ENAH: variants seen among roughly 807,000 people sequenced by gnomAD.
ENAH encodes the protein protein enabled homolog.
ENAH carries 23 observed loss-of-function variants against 78.7 expected under a neutral mutation model. That is an observed-to-expected ratio of 0.29 (90% confidence interval 0.21 to 0.41). The LOEUF is 0.41. Ranked by LOEUF, ENAH falls within the 10% of genes least tolerant of loss-of-function variation. ENAH has a pLI of 1.00. For missense variants in ENAH, 544 were observed against 691.0 expected (o/e 0.79, Z 2.39); for synonymous variants, 226 against 241.0 (o/e 0.94, Z 0.58).
rs559878227 is a variant in ENAH at position 225,502,069 on chromosome 1, G to C, written c.1539-999C>G. 2.6e-5 allele frequency among the ~76,000 whole-genome samples: 4 copies of C among 152,186 alleles called. No homozygotes were observed. In the East Asian group the frequency reaches 7.7e-4, roughly 29 times the overall value. On this transcript the variant is annotated intron_variant, in intron 11 of 13. Transcript: ENST00000366843. ...ATTCCCAATTTTGCAGAGTACCAAT[G>C]TTAGCAATCTGAAGCAAGACCCAAA...
chr1:225,511,648 T>C (rs1384239641), intron 10 of ENAH, among the ~76,000 whole-genome samples, 163 bp downstream of exon 10: 1 of 152,220 alleles, frequency 6.6e-6, no homozygotes, highest in Non-Finnish European at 1.5e-5. Context: ...AACAGCAGCT[T>C]CCAGGAGGAA....
chr1:225,553,967 T>C (rs2096654048), intron 3 of ENAH, among the ~76,000 whole-genome samples: 1 of 152,208 alleles, frequency 6.6e-6, no homozygotes. Flanking sequence ...ACACACCAGC[T>C]AGATGCTTCA....
intron 1 of ENAH, among the ~76,000 whole-genome samples, chr1:225,606,640 G>A (rs542508208): frequency 6.3e-4 from 96 of 151,708 alleles, no homozygotes; most frequent in Non-Finnish European, 1.1e-3. Flanking sequence ...TTGAGGCCAG[G>A]AGACCAGCCT....
At position 225,570,647 on chromosome 1, in the gene ENAH, C is replaced by T. The variant is rs140089278; in HGVS notation, c.6-3233G>A. ...GATTTTTTAATGTTTTTTTAAATAA[C>T]ATTTTCTTTTCTCTAGATTAAGAAT... On this transcript the variant is annotated intron_variant, in intron 1 of 13. Transcript: ENST00000366843. Among the ~76,000 whole-genome samples the T allele has an allele frequency of 6.1e-4, 92 of 152,044 alleles. 2 individuals are homozygous for T. The East Asian group carries it at 0.01, about 17-fold the overall frequency.
At chr1:225,534,412 CCTTTT>C (rs1456344894) in intron 3 of ENAH, among the ~76,000 whole-genome samples, 1 of 152,010 alleles carries the variant, frequency 6.6e-6, no homozygotes. Context: ...TCTTTTCTTT[CCTTTT>C]TTCTTTTTTT....
chr1:225,594,077 G>A (rs938056331), intron 1 of ENAH, among the ~76,000 whole-genome samples: 6 of 152,094 alleles, frequency 3.9e-5, no homozygotes, highest in African/African-American at 1.4e-4. Flanking sequence ...CATAAATGTT[G>A]GCATGAGGCT....
intron 2 of ENAH, among the ~76,000 whole-genome samples, chr1:225,566,328 C>T (rs2096735007): frequency 6.6e-6 from 1 of 152,012 alleles, no homozygotes; most frequent in Admixed American, 6.6e-5. Context: ...AGGCCCACAG[C>T]CCCTATATGC....
At chr1:225,571,304 T>C (rs1374538390) in intron 1 of ENAH, among the ~76,000 whole-genome samples, 3 of 151,028 alleles carry the variant, frequency 2.0e-5, no homozygotes, top group Non-Finnish European at 4.4e-5. Context: ...ACCCAGGAGA[T>C]GGAGGTTGCA....
chr1:225,523,354 T>C (rs966318502), intron 4 of ENAH, among the ~76,000 whole-genome samples: 3 of 151,694 alleles, frequency 2.0e-5, no homozygotes, highest in East Asian at 2.0e-4. Flanking sequence ...GAAAGAATTA[T>C]TGGTAACAGC....
intron 12 of ENAH, 95 bp from the exon 13 acceptor site, chr1:225,498,499 T>C: frequency 1.3e-6 from 1 of 755,232 alleles, no homozygotes; most frequent in East Asian, 3.1e-5. Flanking sequence ...TGAAATATGA[T>C]GTGTAGTTTT....
chr1:225,510,520 T>C (rs1046797667), intron 10 of ENAH, among the ~76,000 whole-genome samples: 1 of 151,898 alleles, frequency 6.6e-6, no homozygotes, highest in African/African-American at 2.4e-5. Context: ...CACAAACCAG[T>C]GAATTTTTAA....
chr1:225,599,844 G>A (rs1256710851), intron 1 of ENAH, among the ~76,000 whole-genome samples: 3 of 151,486 alleles, frequency 2.0e-5, no homozygotes, highest in Non-Finnish European at 4.4e-5. Flanking sequence ...ATTGGAGGTG[G>A]GGCCTGAAGG....
intron 1 of ENAH, among the ~76,000 whole-genome samples, chr1:225,612,533 T>G (rs2096996371): frequency 1.3e-5 from 2 of 152,208 alleles, no homozygotes; most frequent in Admixed American, 1.3e-4. Flanking sequence ...CACTGTGGAT[T>G]TATTTAATGC....
chr1:225,583,759 G>A (rs983774827), intron 1 of ENAH, among the ~76,000 whole-genome samples: 4 of 149,768 alleles, frequency 2.7e-5, no homozygotes, highest in African/African-American at 9.9e-5. Flanking sequence ...AGTGAGCCCA[G>A]ATTGCACCAC....
At chr1:225,644,470 G>A (rs550881035) in intron 1 of ENAH, among the ~76,000 whole-genome samples, 1 of 152,122 alleles carries the variant, frequency 6.6e-6, no homozygotes, top group African/African-American at 2.4e-5. Flanking sequence ...GGGGGAGGAG[G>A]AGAAAGACTG....
At chr1:225,649,736 C>A (rs3904084) in intron 1 of ENAH, among the ~76,000 whole-genome samples, 1 of 152,084 alleles carries the variant, frequency 6.6e-6, no homozygotes, top group African/African-American at 2.4e-5. Flanking sequence ...GTTTCAGGAA[C>A]ATAAACTATT....
chr1:225,562,526 C>T (rs889736128), intron 2 of ENAH, among the ~76,000 whole-genome samples: 2 of 119,560 alleles, frequency 1.7e-5, no homozygotes, highest in South Asian at 2.7e-4. Context: ...GAGCTGAGAT[C>T]GAGCCACTGC....
Position 225,493,595 on chromosome 1 carries a change from A to C in ENAH, c.*4180T>G, listed in dbSNP as rs763565145. The C allele has an allele frequency of 1.3e-5, 2 of 152,220 alleles. No homozygotes were observed. The highest frequency in any genetic ancestry group is 2.9e-5 in the Non-Finnish European group (2 of 68,038). The allele number at this position is 152,220 out of a possible 1,614,324, so 9.4% of individuals were successfully genotyped here. ...ATGAACTCATCTTTCTATTAAAAAC[A>C]AAAGTGGTGCTACCAGAAAAAGGTT... On this transcript the variant is annotated 3_prime_UTR_variant, in exon 14 of 14. Coordinates refer to ENST00000366843, the MANE Select transcript of ENAH (RefSeq NM_018212.6).
chr1:225,566,830 T>A (rs1270783823), intron 2 of ENAH, among the ~76,000 whole-genome samples: 1 of 152,202 alleles, frequency 6.6e-6, no homozygotes, highest in African/African-American at 2.4e-5. Flanking sequence ...TTCTATCACA[T>A]GTGAATTTAA....
Sources: gnomAD v4.1 joint callset for allele counts (sites outside exome capture counted in the v4.1 genomes callset) on GRCh38, gnomAD v4.1.1 for gene constraint, MANE v1.5 for transcripts, NCBI Gene and HGNC (gene_info 2026-07-23, HGNC 2026-07-21) for gene names.